The following SMYD3 variants were observed in gnomAD, a reference collection of about 807,000 sequenced individuals.
The protein encoded by SMYD3 is SET and MYND domain containing 3, also known as histone-lysine N-methyltransferase SMYD3.
SMYD3 carries 36 observed loss-of-function variants against 57.7 expected under a neutral mutation model. The observed-to-expected ratio is 0.62, with a 90% CI of 0.48 to 0.82. SMYD3 has a LOEUF of 0.82. SMYD3 is among the 40% of genes least tolerant of loss of function. The probability of loss-of-function intolerance (pLI) is 0.00; values close to 1 mark genes in which losing one functional copy is unlikely to be tolerated. For synonymous variants in SMYD3, 211 were observed against 195.0 expected (o/e 1.08, Z -0.68); for missense variants, 515 against 538.8 (o/e 0.96, Z 0.44).
At chr1:246,295,739 A>T (rs1243011075) in intron 5 of SMYD3, among the ~76,000 whole-genome samples, 1 of 152,222 alleles carries the variant, frequency 6.6e-6, no homozygotes, top group African/African-American at 2.4e-5. Flanking sequence ...CCATCAATAA[A>T]ATTAAAAGAT....
chr1:246,238,050 T>G (rs903215046), intron 5 of SMYD3, among the ~76,000 whole-genome samples: 1 of 152,172 alleles, frequency 6.6e-6, no homozygotes, highest in Non-Finnish European at 1.5e-5. Context: ...ATTTTTCTCA[T>G]AGATACCACT....
chr1:246,110,797 G>A (rs769484262), intron 5 of SMYD3, among the ~76,000 whole-genome samples: 3 of 152,182 alleles, frequency 2.0e-5, no homozygotes, highest in Non-Finnish European at 4.4e-5. Context: ...AGTCACCCGG[G>A]ATGTTTACCT....
intron 8 of SMYD3, 133 bp downstream of exon 8, chr1:245,915,397 T>G: frequency 1.9e-6 from 1 of 517,834 alleles, no homozygotes; most frequent in Non-Finnish European, 3.4e-6. Flanking sequence ...GTTCAATGAG[T>G]TATCTTATTT....
chr1:246,410,359 T>C (rs1227178655), intron 1 of SMYD3, among the ~76,000 whole-genome samples: 1 of 152,186 alleles, frequency 6.6e-6, no homozygotes, highest in East Asian at 1.9e-4. Flanking sequence ...ATACCTAATT[T>C]ATTGAGAGTT....
intron 5 of SMYD3, among the ~76,000 whole-genome samples, chr1:246,141,690 A>G (rs1306737533): frequency 6.6e-6 from 1 of 152,220 alleles, no homozygotes; most frequent in Admixed American, 6.5e-5. Context: ...ACACATTTAA[A>G]AAAAATCTTC....
At chr1:245,905,169 A>G (rs2054478241) in intron 8 of SMYD3, among the ~76,000 whole-genome samples, 2 of 151,816 alleles carry the variant, frequency 1.3e-5, no homozygotes, top group Admixed American at 6.6e-5. Context: ...GCACATAACC[A>G]GCTGTGGTAG....
At chr1:245,802,857 A>G (rs1025155526) in intron 10 of SMYD3, among the ~76,000 whole-genome samples, 15 of 152,322 alleles carry the variant, frequency 9.8e-5, no homozygotes, top group African/African-American at 3.1e-4. Flanking sequence ...TCTTGGGCAA[A>G]TCTCTTAAGT....
intron 1 of SMYD3, among the ~76,000 whole-genome samples, chr1:246,416,838 T>C (rs1274904319): frequency 6.6e-6 from 1 of 152,150 alleles, no homozygotes; most frequent in African/African-American, 2.4e-5. Flanking sequence ...AGAGGGGCTC[T>C]CTCTGGAATT....
chr1:246,411,171 G>A (rs957317393), intron 1 of SMYD3, among the ~76,000 whole-genome samples: 12 of 151,966 alleles, frequency 7.9e-5, no homozygotes. Context: ...ATTTCCTTCA[G>A]TTCTGCTCTT....
At chr1:246,165,098 G>A (rs1373286943) in intron 5 of SMYD3, among the ~76,000 whole-genome samples, 3 of 152,196 alleles carry the variant, frequency 2.0e-5, no homozygotes, top group East Asian at 1.9e-4. Context: ...AAGCGTTCCC[G>A]AAAGGGAGCG....
chr1:246,119,726 C>T (rs1444978148), intron 5 of SMYD3, among the ~76,000 whole-genome samples: 1 of 152,106 alleles, frequency 6.6e-6, no homozygotes, highest in Non-Finnish European at 1.5e-5. Flanking sequence ...AACACTCACT[C>T]TTGAACAACT....
At chr1:246,001,237 C>T (rs1419018096) in intron 5 of SMYD3, among the ~76,000 whole-genome samples, 13 of 152,150 alleles carry the variant, frequency 8.5e-5, no homozygotes, top group Non-Finnish European at 7.3e-5. Context: ...AATGACATCT[C>T]GGAAAGTGTT....
chr1:246,015,146 G>A (rs1302329941), intron 5 of SMYD3, among the ~76,000 whole-genome samples: 1 of 152,126 alleles, frequency 6.6e-6, no homozygotes, highest in Non-Finnish European at 1.5e-5. Context: ...AAGAAGAAGG[G>A]TGTATACATC....
At chr1:246,438,673 A>G (rs1256210380) in intron 1 of SMYD3, among the ~76,000 whole-genome samples, 1 of 152,106 alleles carries the variant, frequency 6.6e-6, no homozygotes, top group African/African-American at 2.4e-5. Context: ...GTGGTCCCCA[A>G]CCGTTTTAGC....
chr1:246,215,337 A>C (rs1012806491), intron 5 of SMYD3, among the ~76,000 whole-genome samples: 1 of 152,154 alleles, frequency 6.6e-6, no homozygotes, highest in Admixed American at 6.5e-5. Context: ...TGACAAAGAA[A>C]AACACACACA....
chr1:246,237,999 T>C (rs565129609), intron 5 of SMYD3, among the ~76,000 whole-genome samples: 1 of 152,330 alleles, frequency 6.6e-6, no homozygotes, highest in Admixed American at 6.5e-5. Context: ...ACACTCTATC[T>C]TGGGTGATAA....
intron 5 of SMYD3, among the ~76,000 whole-genome samples, chr1:245,959,441 T>C (rs948866931): frequency 1.3e-5 from 2 of 152,214 alleles, no homozygotes; most frequent in African/African-American, 4.8e-5. Flanking sequence ...AAACCTGGGT[T>C]CTGGCTCTGA....
intron 10 of SMYD3, among the ~76,000 whole-genome samples, chr1:245,777,032 G>A (rs6687221): frequency 0.25 from 37,639 of 151,982 alleles, 5,033 homozygotes; most frequent in Admixed American, 0.36. Flanking sequence ...CTTGCTCTAC[G>A]ACAAAGGAGT....
chr1:246,230,248 TCAAA>T (rs2063390360), intron 5 of SMYD3, among the ~76,000 whole-genome samples: 1 of 152,330 alleles, frequency 6.6e-6, no homozygotes, highest in East Asian at 1.9e-4. Flanking sequence ...TCATTAATTC[TCAAA>T]CAAATGACAT....
Sources: gnomAD v4.1 joint callset for allele counts (sites outside exome capture counted in the v4.1 genomes callset) on GRCh38, gnomAD v4.1.1 for gene constraint, MANE v1.5 for transcripts, NCBI Gene and HGNC (gene_info 2026-07-23, HGNC 2026-07-21) for gene names.